Variants in TTC28 observed in about 807,000 individuals in gnomAD.
TTC28 encodes tetratricopeptide repeat domain 28.
In TTC28, 61 loss-of-function variants were observed where a neutral mutation model predicts 198.0. That is an observed-to-expected ratio of 0.31 (90% CI 0.25 to 0.38). The LOEUF (loss-of-function observed/expected upper bound fraction) is 0.38, where lower values mean the gene tolerates loss of function less well. TTC28 is among the 10% of genes least tolerant of loss of function. The pLI, the probability that TTC28 is intolerant of heterozygous loss-of-function variation, is 1.00. For missense variants in TTC28, 2,678 were observed against 3,164.0 expected (o/e 0.85, Z 3.69); for synonymous variants, 1,171 against 1,297.8 (o/e 0.90, Z 2.10).
chr22:28,083,865 T>C (rs976122497), intron 12 of TTC28, among the ~76,000 whole-genome samples: 1 of 152,244 alleles, frequency 6.6e-6, no homozygotes, highest in Admixed American at 6.5e-5. Context: ...GGAGATTATA[T>C]CCCGCACCTG....
At chr22:28,612,113 A>T (rs2050828951) in intron 2 of TTC28, among the ~76,000 whole-genome samples, 1 of 152,172 alleles carries the variant, frequency 6.6e-6, no homozygotes, top group African/African-American at 2.4e-5. Context: ...ATAGGCTCAA[A>T]ATAAAGGAAT....
chr22:28,131,420 GA>G (rs1387202242), intron 6 of TTC28, among the ~76,000 whole-genome samples: 1 of 152,168 alleles, frequency 6.6e-6, no homozygotes, highest in Non-Finnish European at 1.5e-5. Context: ...ACAATATCCA[GA>G]AATCACTGGC....
At chr22:28,395,137 A>G (rs1275315692) in intron 2 of TTC28, among the ~76,000 whole-genome samples, 4 of 152,212 alleles carry the variant, frequency 2.6e-5, no homozygotes, top group African/African-American at 4.8e-5. Flanking sequence ...CAGGCCTGAC[A>G]ATGCTCCTTT....
chr22:28,192,738 G>C (rs1924946118), intron 5 of TTC28, among the ~76,000 whole-genome samples: 1 of 152,048 alleles, frequency 6.6e-6, no homozygotes, highest in Non-Finnish European at 1.5e-5. Flanking sequence ...GAGAAGTTCA[G>C]AGAAAAAAAG....
intron 2 of TTC28, among the ~76,000 whole-genome samples, chr22:28,363,357 T>A (rs544929134): frequency 9.2e-5 from 14 of 152,322 alleles, no homozygotes; most frequent in African/African-American, 3.4e-4. Context: ...AAGTCAAGAA[T>A]TGAGGTTTGG....
chr22:28,251,398 G>A (rs549636999), intron 5 of TTC28, among the ~76,000 whole-genome samples: 1 of 152,166 alleles, frequency 6.6e-6, no homozygotes, highest in Admixed American at 6.5e-5. Flanking sequence ...CAATGGCAAA[G>A]TTGGTTAGTT....
intron 2 of TTC28, among the ~76,000 whole-genome samples, chr22:28,420,118 T>C (rs893621165): frequency 6.6e-6 from 1 of 152,310 alleles, no homozygotes; most frequent in South Asian, 2.1e-4. Flanking sequence ...TGACTGCTGA[T>C]TGACAGAACT....
At chr22:28,313,328 T>C (rs778808319) in intron 2 of TTC28, among the ~76,000 whole-genome samples, 3 of 152,044 alleles carry the variant, frequency 2.0e-5, no homozygotes, top group Admixed American at 6.6e-5. Context: ...TTCCAATCAA[T>C]AGAAAAAGAA....
chr22:28,482,963 T>G (rs1342932792), intron 2 of TTC28, among the ~76,000 whole-genome samples: 1 of 152,220 alleles, frequency 6.6e-6, no homozygotes, highest in African/African-American at 2.4e-5. Flanking sequence ...AATTTGTTTA[T>G]TCATCCATTG....
At chr22:28,161,518 A>T (rs541052066) in intron 6 of TTC28, among the ~76,000 whole-genome samples, 5 of 152,190 alleles carry the variant, frequency 3.3e-5, no homozygotes, top group Admixed American at 1.3e-4. Flanking sequence ...TCAGGGTGGC[A>T]TGCACTGCAT....
chr22:28,471,186 T>C (rs2048092503), intron 2 of TTC28, among the ~76,000 whole-genome samples: 1 of 152,198 alleles, frequency 6.6e-6, no homozygotes, highest in Admixed American at 6.5e-5. Flanking sequence ...TTCATAACAG[T>C]ATGCAGAACA....
At chr22:28,578,926 T>C (rs2050190025) in intron 2 of TTC28, among the ~76,000 whole-genome samples, 2 of 152,142 alleles carry the variant, frequency 1.3e-5, no homozygotes, top group East Asian at 3.9e-4. Context: ...CTCACTACTA[T>C]GGGCTAAAGG....
At chr22:28,020,797 A>G (rs1342406717) in intron 13 of TTC28, among the ~76,000 whole-genome samples, 4 of 149,068 alleles carry the variant, frequency 2.7e-5, no homozygotes, top group Non-Finnish European at 4.4e-5. Flanking sequence ...ACACACACAC[A>G]CACACGCACA....
At chr22:28,076,367 A>G (rs371143206) in intron 12 of TTC28, among the ~76,000 whole-genome samples, 1 of 152,238 alleles carries the variant, frequency 6.6e-6, no homozygotes, top group Non-Finnish European at 1.5e-5. Flanking sequence ...CAGTCTATCA[A>G]CTGTCCATTT....
intron 2 of TTC28, among the ~76,000 whole-genome samples, chr22:28,439,164 G>T (rs570268563): frequency 3.3e-4 from 50 of 152,288 alleles, no homozygotes; most frequent in African/African-American, 1.2e-3. Context: ...GTAAAATATG[G>T]TTCCTGAACT....
intron 2 of TTC28, among the ~76,000 whole-genome samples, chr22:28,364,891 A>T (rs2086591168): frequency 1.3e-5 from 2 of 152,224 alleles, no homozygotes; most frequent in African/African-American, 4.8e-5. Context: ...TTGAAATTAC[A>T]ATTAAGGATT....
chr22:27,992,442 A>C (rs1482410657), intron 19 of TTC28, 145 bp downstream of exon 19: 1 of 819,604 alleles, frequency 1.2e-6, no homozygotes, highest in Non-Finnish European at 1.9e-6. Context: ...CTATTCTCTT[A>C]CTCCCGGCCC....
chr22:28,238,942 A>C (rs764603524), intron 5 of TTC28, among the ~76,000 whole-genome samples: 11 of 152,072 alleles, frequency 7.2e-5, no homozygotes, highest in Non-Finnish European at 1.3e-4. Flanking sequence ...TTTTTCCTCA[A>C]CTCAATGAAA....
intron 12 of TTC28, among the ~76,000 whole-genome samples, chr22:28,031,175 G>A (rs956690836): frequency 5.3e-5 from 8 of 152,146 alleles, no homozygotes; most frequent in African/African-American, 1.9e-4. Context: ...GATGACACAC[G>A]GACAGCCAGG....
Sources: allele counts gnomAD v4.1 joint callset (sites outside exome capture counted in the v4.1 genomes callset), GRCh38; gene constraint gnomAD v4.1.1; transcripts MANE v1.5; gene names NCBI Gene and HGNC (gene_info 2026-07-23, HGNC 2026-07-21).